WASF1: variants seen among roughly 807,000 people sequenced by gnomAD.
WASF1 encodes WASP family member 1, also known as actin-binding protein WASF1.
In WASF1, 7 loss-of-function variants were observed where a neutral mutation model predicts 50.5. The observed-to-expected ratio is 0.14, with a 90% CI of 0.08 to 0.26. WASF1 has a LOEUF of 0.26. WASF1 is among the 10% of genes least tolerant of loss of function. The probability of loss-of-function intolerance (pLI) is 1.00; values close to 1 mark genes in which losing one functional copy is unlikely to be tolerated. For missense variants in WASF1, 470 were observed against 694.7 expected (o/e 0.68, Z 3.64); for synonymous variants, 205 against 244.0 (o/e 0.84, Z 1.49).
chr6:110,154,278 A>G (rs1235958036), intron 3 of WASF1, among the ~76,000 whole-genome samples: 3 of 152,060 alleles, frequency 2.0e-5, no homozygotes, highest in Non-Finnish European at 1.5e-5. Flanking sequence ...GTGAATGAAC[A>G]CTCCTAAAGA....
intron 2 of WASF1, chr6:110,177,124 A>C (rs916375317): frequency 2.0e-5 from 3 of 152,064 alleles, no homozygotes; most frequent in African/African-American, 7.2e-5. Flanking sequence ...AAACATGAGT[A>C]ATAAAGTAAC....
chr6:110,146,396 C>T (rs1775562735), intron 3 of WASF1, among the ~76,000 whole-genome samples: 1 of 151,578 alleles, frequency 6.6e-6, no homozygotes, highest in Admixed American at 6.6e-5. Context: ...TAGAGCTTTG[C>T]TCTTCATAGA....
At chr6:110,149,332 T>C (rs575236611) in intron 3 of WASF1, among the ~76,000 whole-genome samples, 1 of 152,218 alleles carries the variant, frequency 6.6e-6, no homozygotes, top group East Asian at 1.9e-4. Context: ...TGCCATTCTC[T>C]ATGCCCTGTA....
chr6:110,161,227 G>A (rs1776250400), intron 2 of WASF1, among the ~76,000 whole-genome samples: 1 of 151,530 alleles, frequency 6.6e-6, no homozygotes, highest in African/African-American at 2.4e-5. Flanking sequence ...ACGATGTACT[G>A]TTTAACTGTA....
chr6:110,158,467 C>T (rs1776119222), intron 3 of WASF1, among the ~76,000 whole-genome samples: 1 of 131,926 alleles, frequency 7.6e-6, no homozygotes, highest in South Asian at 2.5e-4. Context: ...ATTAGTCTTG[C>T]TAGCGGTCTA....
chr6:110,152,467 C>A (rs1287908116), intron 3 of WASF1, among the ~76,000 whole-genome samples: 1 of 152,016 alleles, frequency 6.6e-6, no homozygotes, highest in African/African-American at 2.4e-5. Flanking sequence ...TTGTCTTAGT[C>A]CAACAGAAAC....
rs549291238 is a variant in WASF1 at position 110,159,476 on chromosome 6, C to A, written c.-29+1159G>T. ...TGACATTACAATATTTTTTCCACACCTTTACTTTTATCTTTTGGCACCTGA... is the reference window on the plus strand; with the variant it reads ...TGACATTACAATATTTTTTCCACACATTTACTTTTATCTTTTGGCACCTGA... On this transcript the variant is annotated intron_variant, in intron 3 of 10. Coordinates refer to ENST00000392589, the MANE Select transcript of WASF1 (RefSeq NM_003931.3). Among the ~76,000 whole-genome samples, 250 of 151,794 alleles carry A rather than the reference C, an allele frequency of 1.6e-3. 3 individuals carry two copies. Among genetic ancestry groups the A allele is most frequent in the South Asian group, 4.2e-3 (20 of 4,812 alleles).
At chr6:110,101,187 AG>A (rs1428975009) in intron 10 of WASF1, among the ~76,000 whole-genome samples, 1 of 152,216 alleles carries the variant, frequency 6.6e-6, no homozygotes, top group Non-Finnish European at 1.5e-5. Flanking sequence ...ACTCCTCTAA[AG>A]GCATCTGGTA....
chr6:110,137,467 T>G (rs926443351), intron 3 of WASF1, among the ~76,000 whole-genome samples: 3 of 152,234 alleles, frequency 2.0e-5, no homozygotes, highest in African/African-American at 7.2e-5. Context: ...TCTAAGCTGT[T>G]GGACTCTATT....
intron 2 of WASF1, among the ~76,000 whole-genome samples, chr6:110,168,582 T>C (rs1402947979): frequency 2.6e-5 from 4 of 152,076 alleles, no homozygotes; most frequent in African/African-American, 9.7e-5. Context: ...CTTCAAATGA[T>C]GTGGCTTTAC....
In WASF1 at chr6:110,178,635, G is replaced by C. The variant is rs1777040841; in HGVS notation, c.-164C>G. 1 of 152,648 alleles carries C rather than the reference G, an allele frequency of 6.6e-6. No homozygotes were observed. Among genetic ancestry groups the C allele is most frequent in the East Asian group, 1.9e-4 (1 of 5,200 alleles). 9.5% of individuals were successfully genotyped at this position (152,648 alleles called of 1,614,324 possible). A position where few individuals can be genotyped will look rare whatever the true frequency, so the allele number is the denominator to read the frequency against. On this transcript the variant is annotated 5_prime_UTR_variant, in exon 2 of 11. Transcript: ENST00000392589. The stretch of plus-strand genomic sequence containing the variant: ...GGGATCAATTAATTAATCGGTTATA[G>C]GGCAGGACGTGAATGTTGAGATCGG...
chr6:110,106,334 A>G (rs1773323134), intron 7 of WASF1, among the ~76,000 whole-genome samples: 2 of 152,206 alleles, frequency 1.3e-5, no homozygotes, highest in Admixed American at 1.3e-4. Flanking sequence ...CCAGTCACCA[A>G]TTTGCAAATG....
chr6:110,148,851 T>C (rs186277158), intron 3 of WASF1, among the ~76,000 whole-genome samples: 2 of 152,266 alleles, frequency 1.3e-5, no homozygotes, highest in East Asian at 3.9e-4. Flanking sequence ...TACAGAAGCA[T>C]GTCAACTCAA....
chr6:110,160,267 C>T (rs958876801), intron 3 of WASF1, among the ~76,000 whole-genome samples: 1 of 151,658 alleles, frequency 6.6e-6, no homozygotes, highest in Non-Finnish European at 1.5e-5. Flanking sequence ...AATGGGAAAA[C>T]GAGATATAGG....
intron 4 of WASF1, among the ~76,000 whole-genome samples, chr6:110,117,848 G>A (rs965240446): frequency 6.6e-6 from 1 of 152,000 alleles, no homozygotes; most frequent in South Asian, 2.1e-4. Flanking sequence ...AAGAGAGTGG[G>A]GGCCAATATT....
At position 110,101,685 on chromosome 6, in the gene WASF1, T is replaced by A; in HGVS notation, c.1425A>T (p.Pro475=). ...GCTCAGAAGCAGGTATAACTTGTGA[T>A]GGAGGAGATGGAGGCATTAATGGAA... ...PHVPLMPPSP[P]SQVIPASEPK... The change falls in exon 10 of 11, where the codon CCA becomes CCT. Residue 475 remains proline, a synonymous_variant. Transcript: ENST00000392589. The A allele has an allele frequency of 6.2e-7, 1 of 1,614,070 alleles. No homozygotes were observed.
intron 3 of WASF1, among the ~76,000 whole-genome samples, chr6:110,144,307 G>T (rs1562180289): frequency 6.6e-6 from 1 of 152,126 alleles, no homozygotes; most frequent in Non-Finnish European, 1.5e-5. Context: ...TGGTGATGGG[G>T]TTGTTTGTTT....
At chr6:110,174,234 C>T (rs1419277494) in intron 2 of WASF1, among the ~76,000 whole-genome samples, 1 of 152,126 alleles carries the variant, frequency 6.6e-6, no homozygotes, top group Non-Finnish European at 1.5e-5. Context: ...TCCCCTGACT[C>T]CCAGTGTAAA....
chr6:110,141,341 C>A (rs186298172), intron 3 of WASF1, among the ~76,000 whole-genome samples: 2 of 152,102 alleles, frequency 1.3e-5, no homozygotes, highest in Admixed American at 6.5e-5. Flanking sequence ...TATAGTCCTG[C>A]CTTTCCTCAT....
Sources: gnomAD v4.1 joint callset for allele counts (sites outside exome capture counted in the v4.1 genomes callset) on GRCh38, gnomAD v4.1.1 for gene constraint, MANE v1.5 for transcripts, NCBI Gene and HGNC (gene_info 2026-07-23, HGNC 2026-07-21) for gene names.